The following CNTLN variants were observed in gnomAD, a reference collection of about 807,000 sequenced individuals.
CNTLN encodes centlein, also known as centlein, centrosomal protein.
CNTLN carries 212 observed loss-of-function variants against 180.0 expected under a neutral mutation model. That is an observed-to-expected ratio of 1.18 (90% CI 1.05 to 1.32). The LOEUF is 1.32. Ranked by LOEUF, CNTLN falls within the 40% of genes most tolerant of loss-of-function variation. CNTLN has a pLI of 0.00. For synonymous variants in CNTLN, 722 were observed against 563.1 expected, an observed-to-expected ratio of 1.28 and a Z score of -3.99; for missense variants, 2,095 against 1,610.9, an observed-to-expected ratio of 1.30 and a Z score of -5.14.
chr9:17,506,762 A>G (rs1833939224), downstream of CNTLN, among the ~76,000 whole-genome samples: 1 of 152,142 alleles, frequency 6.6e-6, no homozygotes, highest in African/African-American at 2.4e-5. Flanking sequence ...AAAACATTTG[A>G]GAGAGCCTTT....
At chr9:17,301,473 G>T (rs1331381216) in intron 7 of CNTLN, 1 of 985,156 alleles carries the variant, frequency 1.0e-6, no homozygotes, top group African/African-American at 1.7e-5. Context: ...CTTGTGTTTA[G>T]TCTGTTTTTT....
At chr9:17,466,980 C>G in intron 23 of CNTLN, 89 bp downstream of exon 23, 1 of 825,514 alleles carries the variant, frequency 1.2e-6, no homozygotes, top group Non-Finnish European at 1.9e-6. Flanking sequence ...AATAAAGTTT[C>G]TTTCTGCTTT....
chr9:17,296,053 G>C (rs940110547), intron 6 of CNTLN, among the ~76,000 whole-genome samples: 2 of 139,950 alleles, frequency 1.4e-5, no homozygotes, highest in Non-Finnish European at 3.1e-5. Flanking sequence ...ATGGAGTCTG[G>C]CTCTGTCACC....
chr9:17,292,676 AATT>A (rs1295964427), intron 6 of CNTLN, among the ~76,000 whole-genome samples: 2 of 152,080 alleles, frequency 1.3e-5, no homozygotes, highest in African/African-American at 4.8e-5. Context: ...CTTTCAAACT[AATT>A]ATTCTGGTTA....
In CNTLN at chr9:17,388,084, A is replaced by G. The variant is rs547568530; in HGVS notation, c.1988-78A>G. The G allele has an allele frequency of 1.9e-5, 17 of 877,534 alleles. No homozygotes were observed. In the South Asian group the frequency reaches 3.9e-4, roughly 20 times the overall value. The allele number at this position is 877,534 out of a possible 1,614,324, so 54.4% of individuals were successfully genotyped here. A position where few individuals can be genotyped will look rare whatever the true frequency, so the allele number is the denominator to read the frequency against. On this transcript the variant is annotated intron_variant, in intron 13 of 25. Coordinates refer to ENST00000380647, the MANE Select transcript of CNTLN (RefSeq NM_017738.4). Reference sequence around the variant, plus strand: ...ATTATTCACAGTTGAAAAACCATAGAACCCTTTTTCTTAAAATGACAGGAC... The same window carrying G: ...ATTATTCACAGTTGAAAAACCATAGGACCCTTTTTCTTAAAATGACAGGAC...
rs140678008 is a variant in CNTLN, at chr9:17,263,487, G to A, written c.850-10246G>A. Among the ~76,000 whole-genome samples the A allele has an allele frequency of 7.7e-3, 1,160 of 149,896 alleles. 13 individuals are homozygous for A. The highest frequency in any genetic ancestry group is 0.011 in the Non-Finnish European group (754 of 68,006). On this transcript the variant is annotated intron_variant, in intron 5 of 25. Coordinates refer to ENST00000380647, the MANE Select transcript of CNTLN (RefSeq NM_017738.4). ...TTCCAAGTCTTTGCTATTGTGAATA[G>A]TACCACAATAAACATATGTGTGCAT...
At position 17,170,616 on chromosome 9, in the gene CNTLN, A is replaced by T. The variant is rs138462459; in HGVS notation, c.449+27240A>T. Among the ~76,000 whole-genome samples, 8 of 152,044 alleles carry T rather than the reference A, an allele frequency of 5.3e-5. No homozygotes were observed. The East Asian group carries it at 1.5e-3, about 29-fold the overall frequency. Reference sequence around the variant, plus strand: ...TTGACACTATTTCATTTTGCATTTCATTGTTATATTCCTCAGCTTCGGAAT... The same window carrying T: ...TTGACACTATTTCATTTTGCATTTCTTTGTTATATTCCTCAGCTTCGGAAT... On this transcript the variant is annotated intron_variant, in intron 2 of 25. Transcript: ENST00000380647.
At position 17,298,291 on chromosome 9, in the gene CNTLN, C is replaced by T. The variant is rs143643420; in HGVS notation, c.1085C>T (p.Thr362Ile). 82 of 1,613,390 alleles carry T rather than the reference C, an allele frequency of 5.1e-5. No individual in the cohort carries two copies. In the East Asian group the frequency reaches 1.8e-3, roughly 35 times the overall value. The change falls in exon 7 of 26, where the codon ACA (threonine) becomes ATA (isoleucine). Residue 362 changes from threonine to isoleucine, a missense_variant. By Grantham distance (89) the Thr-to-Ile change is moderately conservative. Coordinates refer to ENST00000380647, the MANE Select transcript of CNTLN (RefSeq NM_017738.4). ...CAGCTTCAGGTTCTCAATATGGACACACAAAAAGTACTGAGAAATCAGGAA... is the reference window on the plus strand; with the variant it reads ...CAGCTTCAGGTTCTCAATATGGACATACAAAAAGTACTGAGAAATCAGGAA... ...IQQLQVLNMD[T>I]QKVLRNQEDV...
intron 5 of CNTLN, among the ~76,000 whole-genome samples, chr9:17,247,661 T>C (rs937542376): frequency 1.3e-5 from 2 of 152,204 alleles, no homozygotes; most frequent in African/African-American, 4.8e-5. Flanking sequence ...TTGTTCAATA[T>C]GGTGTTCGTG....
At chr9:17,485,449 A>G (rs879042608) in intron 24 of CNTLN, among the ~76,000 whole-genome samples, 2 of 152,178 alleles carry the variant, frequency 1.3e-5, no homozygotes, top group Non-Finnish European at 2.9e-5. Context: ...TTCAGCAGCT[A>G]TGCCAAAACG....
At chr9:17,527,526 T>C in the CNTLN span, among the ~76,000 whole-genome samples, 31 of 152,248 alleles carry the variant, frequency 2.0e-4, no homozygotes, top group Non-Finnish European at 3.5e-4. Flanking sequence ...TTCAGTACAT[T>C]GATGGCAAAT....
intron 18 of CNTLN, among the ~76,000 whole-genome samples, chr9:17,439,237 T>G (rs936145969): frequency 6.6e-6 from 1 of 152,166 alleles, no homozygotes; most frequent in African/African-American, 2.4e-5. Context: ...AAAAAGTCAT[T>G]AAAGATATAC....
At chr9:17,262,987 C>G (rs370510918) in intron 5 of CNTLN, among the ~76,000 whole-genome samples, 4 of 151,048 alleles carry the variant, frequency 2.6e-5, no homozygotes, top group African/African-American at 7.4e-5. Flanking sequence ...GTTTTTAATT[C>G]TATTTTATAA....
chr9:17,185,425 C>T (rs1004830692), intron 2 of CNTLN, among the ~76,000 whole-genome samples: 1 of 152,186 alleles, frequency 6.6e-6, no homozygotes, highest in East Asian at 1.9e-4. Flanking sequence ...GTTGGCACAG[C>T]ATTGTTTCTA....
At position 17,466,812 on chromosome 9, in the gene CNTLN, G is replaced by A. The variant is rs775426241; in HGVS notation, c.3776G>A (p.Ser1259Asn). The stretch of plus-strand genomic sequence containing the variant: ...CAGCTTCAAGAATTAGCATTGCAAA[G>A]TGAACAGGTCCTAGAAGGTGCACAG... ...SKQLQELALQSEQVLEGAQKT... is the reference protein window; with the variant it reads ...SKQLQELALQNEQVLEGAQKT... The change falls in exon 23 of 26, where the codon AGT becomes AAT. Residue 1259 changes from serine (S) to asparagine (N), a missense_variant. Ser to Asn is a conservative substitution (Grantham distance 46, BLOSUM62 1). Coordinates refer to ENST00000380647, the MANE Select transcript of CNTLN (RefSeq NM_017738.4). 1.2e-6 allele frequency: 2 copies of A among 1,611,236 alleles called. No individual in the cohort carries two copies. The highest frequency in any genetic ancestry group is 1.7e-6 in the Non-Finnish European group (2 of 1,178,014).
intron 12 of CNTLN, 151 bp downstream of exon 12, chr9:17,342,595 AAT>A (rs1821571737): frequency 1.4e-6 from 1 of 690,294 alleles, no homozygotes; most frequent in Non-Finnish European, 2.3e-6. Flanking sequence ...AGCTTTTAAA[AAT>A]ATATATATGT....
chr9:17,390,209 T>G (rs1396666428), intron 14 of CNTLN, among the ~76,000 whole-genome samples: 1 of 151,652 alleles, frequency 6.6e-6, no homozygotes, highest in Non-Finnish European at 1.5e-5. Flanking sequence ...ATATCAGGCA[T>G]TGTATTTCAG....
intron 2 of CNTLN, among the ~76,000 whole-genome samples, chr9:17,200,901 T>C (rs937846799): frequency 6.6e-6 from 1 of 152,186 alleles, no homozygotes. Flanking sequence ...GGCATCCTTG[T>C]TTTGTGGTGG....
In CNTLN at chr9:17,440,327, A is replaced by G. The variant is rs372118296; in HGVS notation, c.3115-17197A>G. ...GGTGGCTCAAGCCTGTAATCCCAGC[A>G]CTTTGGGAGGCCGAGGCGGGTGGAT... is the stretch of plus-strand genomic sequence containing the variant. On this transcript the variant is annotated intron_variant, in intron 18 of 25. Coordinates refer to ENST00000380647, the MANE Select transcript of CNTLN (RefSeq NM_017738.4). Among the ~76,000 whole-genome samples the G allele has an allele frequency of 8.7e-4, 132 of 151,288 alleles. 2 individuals are homozygous for G. The South Asian group carries it at 0.027, about 31-fold the overall frequency.
Sources: gnomAD v4.1 joint callset for allele counts (sites outside exome capture counted in the v4.1 genomes callset) on GRCh38, gnomAD v4.1.1 for gene constraint, MANE v1.5 for transcripts, NCBI Gene and HGNC (gene_info 2026-07-23, HGNC 2026-07-21) for gene names.